TNFAIP8: variants seen among roughly 807,000 people sequenced by gnomAD.
The protein encoded by TNFAIP8 is TNF alpha induced protein 8.
Under a neutral mutation model 13.3 loss-of-function variants are expected in TNFAIP8, and 7 were observed. That is an observed-to-expected ratio of 0.52 (90% CI 0.30 to 0.99). The LOEUF (loss-of-function observed/expected upper bound fraction) is 0.99. Ranked by LOEUF, TNFAIP8 falls within the 50% of genes least tolerant of loss-of-function variation. The probability of loss-of-function intolerance (pLI) is 0.07; values close to 1 mark genes in which losing one functional copy is unlikely to be tolerated. For missense variants in TNFAIP8, 258 were observed against 236.9 expected (o/e 1.09, Z -0.58); for synonymous variants, 94 against 87.6 (o/e 1.07, Z -0.41).
intron 1 of TNFAIP8, among the ~76,000 whole-genome samples, chr5:119,365,093 C>T (rs1344145470): frequency 2.0e-5 from 3 of 152,008 alleles, no homozygotes; most frequent in Non-Finnish European, 4.4e-5. Flanking sequence ...CTCAGGTGAT[C>T]CTCCTGCCTT....
At chr5:119,300,409 T>C (rs1286096872) in intron 1 of TNFAIP8, among the ~76,000 whole-genome samples, 3 of 152,226 alleles carry the variant, frequency 2.0e-5, no homozygotes, top group African/African-American at 7.2e-5. Flanking sequence ...TACAGGAGAA[T>C]CTTCAATCTT....
chr5:119,294,168 G>T (rs1224639734), intron 1 of TNFAIP8, among the ~76,000 whole-genome samples: 1 of 151,458 alleles, frequency 6.6e-6, no homozygotes. Context: ...TTAGCATTAG[G>T]TATATCTCCT....
In TNFAIP8 at chr5:119,305,870, AAC is replaced by A. The variant is rs1360149821; in HGVS notation, c.1+36966_1+36967del. Among the ~76,000 whole-genome samples, 3 of 152,178 alleles carry A rather than the reference AAC, an allele frequency of 2.0e-5. No individual in the cohort carries two copies. The East Asian group carries it at 5.8e-4, about 29-fold the overall frequency. ...TTGGATGGAGGGCCACAGGGTGAGCAACACTGCCCTAAAATCTCCATCCTCTG... is the reference window on the plus strand; with the variant it reads ...TTGGATGGAGGGCCACAGGGTGAGCAACTGCCCTAAAATCTCCATCCTCTG... On this transcript the variant is annotated intron_variant, in intron 1 of 1. Coordinates refer to the TNFAIP8 transcript ENST00000274456.
At chr5:119,314,849 T>C (rs925203695) in intron 1 of TNFAIP8, among the ~76,000 whole-genome samples, 1 of 152,198 alleles carries the variant, frequency 6.6e-6, no homozygotes, top group African/African-American at 2.4e-5. Flanking sequence ...TGGCGCATAG[T>C]AAAGTACTGT....
chr5:119,281,335 CATAA>C (rs1179050925), intron 1 of TNFAIP8, among the ~76,000 whole-genome samples: 5 of 151,830 alleles, frequency 3.3e-5, no homozygotes, highest in African/African-American at 1.2e-4. Flanking sequence ...TACATGCAAA[CATAA>C]ATACTCATAT....
intron 1 of TNFAIP8, among the ~76,000 whole-genome samples, chr5:119,315,065 G>A (rs1561997027): frequency 6.9e-6 from 1 of 145,828 alleles, no homozygotes; most frequent in Non-Finnish European, 1.5e-5. Context: ...TGTGTGTGTG[G>A]TTTTTTGTTT....
chr5:119,378,495 A>G (rs1454715974), intron 1 of TNFAIP8, among the ~76,000 whole-genome samples: 2 of 152,194 alleles, frequency 1.3e-5, no homozygotes, highest in East Asian at 3.8e-4. Context: ...TATTGAGGAA[A>G]AATTGTGACA....
chr5:119,356,240 T>TA, intron 1 of TNFAIP8, 119 bp downstream of exon 1: 1 of 921,582 alleles, frequency 1.1e-6, no homozygotes. Flanking sequence ...CCGCTTGCCC[T>TA]GCGCCTTCGA....
At chr5:119,360,996 A>G (rs927894384) in intron 1 of TNFAIP8, among the ~76,000 whole-genome samples, 2 of 152,238 alleles carry the variant, frequency 1.3e-5, no homozygotes, top group African/African-American at 4.8e-5. Context: ...CTTTGAGAAT[A>G]TCATTCAGGA....
rs1388176292 is a variant in TNFAIP8 at position 119,398,738 on chromosome 5, C to G, written c.*5357C>G. ...AATAAATAAATTTTTAAAAACCAAC[C>G]TGATGTGAAGTTGAAACACAAGACG... On this transcript the variant is annotated 3_prime_UTR_variant, in exon 2 of 2. Transcript: ENST00000504771. 1 of 151,742 alleles carries G rather than the reference C, an allele frequency of 6.6e-6. No homozygotes were observed. Among genetic ancestry groups the G allele is most frequent in the South Asian group, 2.1e-4 (1 of 4,804 alleles). 9.4% of individuals were successfully genotyped at this position (151,742 alleles called of 1,614,324 possible).
intron 1 of TNFAIP8, among the ~76,000 whole-genome samples, chr5:119,331,582 A>G (rs1750382150): frequency 6.6e-6 from 1 of 152,160 alleles, no homozygotes. Flanking sequence ...ACATGAGGCT[A>G]CCATGTCCTC....
upstream of TNFAIP8, among the ~76,000 whole-genome samples, chr5:119,351,755 C>A (rs1484478902): frequency 1.3e-5 from 2 of 148,730 alleles, no homozygotes; most frequent in Non-Finnish European, 3.0e-5. Context: ...ATACAATTTT[C>A]TTTTTTCTTT....
intron 1 of TNFAIP8, among the ~76,000 whole-genome samples, chr5:119,338,386 C>G (rs1581617485): frequency 6.6e-6 from 1 of 152,174 alleles, no homozygotes; most frequent in African/African-American, 2.4e-5. Context: ...GACCCAGGTC[C>G]TACCTTACAG....
intron 1 of TNFAIP8, among the ~76,000 whole-genome samples, chr5:119,292,339 G>A (rs574169679): frequency 8.6e-5 from 13 of 151,998 alleles, no homozygotes; most frequent in Non-Finnish European, 1.2e-4. Flanking sequence ...AGAATGGGCC[G>A]TACTGGGTTT....
chr5:119,361,453 G>A (rs563019347), intron 1 of TNFAIP8, among the ~76,000 whole-genome samples: 27 of 152,232 alleles, frequency 1.8e-4, no homozygotes, highest in African/African-American at 6.0e-4. Flanking sequence ...TGAAGATGGG[G>A]GAGGGGAGGA....
At chr5:119,296,926 A>G (rs898403258) in intron 1 of TNFAIP8, among the ~76,000 whole-genome samples, 4 of 152,090 alleles carry the variant, frequency 2.6e-5, no homozygotes, top group South Asian at 2.1e-4. Flanking sequence ...AGGTGTTTGT[A>G]GTATTCTCTG....
chr5:119,296,406 CT>C (rs942912948), intron 1 of TNFAIP8, among the ~76,000 whole-genome samples: 11 of 151,898 alleles, frequency 7.2e-5, no homozygotes, highest in Admixed American at 2.0e-4. Flanking sequence ...GTCTTTGGTT[CT>C]GTTTATATGC....
chr5:119,326,019 C>T (rs1295892583), intron 1 of TNFAIP8, among the ~76,000 whole-genome samples: 1 of 152,234 alleles, frequency 6.6e-6, no homozygotes, highest in Non-Finnish European at 1.5e-5. Flanking sequence ...GCTTACTGGT[C>T]TGCTGCCGCT....
In TNFAIP8 at chr5:119,305,707, C is replaced by T. The variant is rs142641904; in HGVS notation, c.1+36800C>T. Among the ~76,000 whole-genome samples, 332 of 152,294 alleles carry T rather than the reference C, an allele frequency of 2.2e-3. 1 individual carries two copies. The highest frequency in any genetic ancestry group is 7.4e-3 in the African/African-American group (308 of 41,550). ...AAAGGTTATCTAAATTTCTAGACCTCGCTTTATAAATGACACATTACAAAT... is the reference window on the plus strand; with the variant it reads ...AAAGGTTATCTAAATTTCTAGACCTTGCTTTATAAATGACACATTACAAAT... On this transcript the variant is annotated intron_variant, in intron 1 of 1. Transcript: ENST00000274456.
Sources: gnomAD v4.1 joint callset for allele counts (sites outside exome capture counted in the v4.1 genomes callset) on GRCh38, gnomAD v4.1.1 for gene constraint, MANE v1.5 for transcripts, NCBI Gene and HGNC (gene_info 2026-07-23, HGNC 2026-07-21) for gene names.